AIG1: variants seen among roughly 807,000 people sequenced by gnomAD.
AIG1 encodes the protein androgen induced 1, also known as androgen-induced gene 1 protein.
In AIG1, 23 loss-of-function variants were observed where a neutral mutation model predicts 31.4. The ratio of observed to expected loss-of-function variants is 0.73; its 90% CI spans 0.53 to 1.04. AIG1 has a LOEUF of 1.04. AIG1 is among the 50% of genes least tolerant of loss of function. The probability of loss-of-function intolerance (pLI) is 0.00; values close to 1 mark genes in which losing one functional copy is unlikely to be tolerated. For synonymous variants in AIG1, 100 were observed against 110.5 expected, an observed-to-expected ratio of 0.90 and a Z score of 0.60; for missense variants, 274 against 295.0, an observed-to-expected ratio of 0.93 and a Z score of 0.52.
At chr6:143,311,349 A>G (rs1775258982) in intron 4 of AIG1, among the ~76,000 whole-genome samples, 1 of 151,980 alleles carries the variant, frequency 6.6e-6, no homozygotes, top group Non-Finnish European at 1.5e-5. Context: ...TCATGCATCA[A>G]GTATATGCAC....
At chr6:143,116,418 T>C (rs1781742401) in intron 1 of AIG1, among the ~76,000 whole-genome samples, 1 of 152,050 alleles carries the variant, frequency 6.6e-6, no homozygotes, top group Non-Finnish European at 1.5e-5. Context: ...ATTTGGCAAG[T>C]ATTTATTGAG....
At chr6:143,167,769 T>C (rs1470285396) in intron 3 of AIG1, among the ~76,000 whole-genome samples, 1 of 152,184 alleles carries the variant, frequency 6.6e-6, no homozygotes, top group Non-Finnish European at 1.5e-5. Flanking sequence ...ATAAATTAGT[T>C]AATATGTCAA....
intron 5 of AIG1, among the ~76,000 whole-genome samples, chr6:143,337,809 C>T (rs1310852851): frequency 1.3e-5 from 2 of 152,182 alleles, no homozygotes; most frequent in African/African-American, 4.8e-5. Flanking sequence ...GCAGGAAGGG[C>T]ATGTGACTGA....
chr6:143,212,868 C>T (rs771562691), intron 3 of AIG1, among the ~76,000 whole-genome samples: 6 of 152,184 alleles, frequency 3.9e-5, no homozygotes, highest in Non-Finnish European at 8.8e-5. Context: ...CCCAGCATAA[C>T]ATCTCGTCTT....
intron 1 of AIG1, among the ~76,000 whole-genome samples, chr6:143,116,993 C>T (rs974928494): frequency 1.3e-5 from 2 of 152,060 alleles, no homozygotes; most frequent in Non-Finnish European, 2.9e-5. Context: ...ATCTCTGTTT[C>T]GCCATTCCCG....
rs369258331 is a variant in AIG1, at chr6:143,331,157, A to G, written c.516-2125A>G. Among the ~76,000 whole-genome samples, 33 of 151,236 alleles carry G rather than the reference A, an allele frequency of 2.2e-4. No individual in the cohort carries two copies. The South Asian group carries it at 6.7e-3, about 31-fold the overall frequency. On this transcript the variant is annotated intron_variant, in intron 4 of 5. Coordinates refer to ENST00000357847, the MANE Select transcript of AIG1 (RefSeq NM_016108.4). The surrounding 1 kb of genome is among the most constrained non-coding windows in gnomAD (Gnocchi z 4.1). Reference sequence around the variant, plus strand: ...TTTGTAGACCTGTTTTTTTTTTCCTAATTTCCACCACAGGAACATTTTTTA... The same window carrying G: ...TTTGTAGACCTGTTTTTTTTTTCCTGATTTCCACCACAGGAACATTTTTTA...
At chr6:143,276,041 A>C (rs541919505) in intron 3 of AIG1, among the ~76,000 whole-genome samples, 1 of 152,190 alleles carries the variant, frequency 6.6e-6, no homozygotes, top group African/African-American at 2.4e-5. Context: ...TGGTAATGCC[A>C]TGGCCCCTTA....
intron 1 of AIG1, among the ~76,000 whole-genome samples, chr6:143,072,652 T>C (rs1460216438): frequency 3.9e-5 from 6 of 152,168 alleles, no homozygotes; most frequent in Non-Finnish European, 4.4e-5. Context: ...TGCCGAGAGA[T>C]TTAAAAAAAC....
At chr6:143,238,816 G>T (rs1188960315) in intron 3 of AIG1, among the ~76,000 whole-genome samples, 1 of 152,136 alleles carries the variant, frequency 6.6e-6, no homozygotes, top group African/African-American at 2.4e-5. Flanking sequence ...TCCCTAAAAG[G>T]GAAAAGTAGG....
At chr6:143,202,959 C>T (rs1790820096) in intron 3 of AIG1, among the ~76,000 whole-genome samples, 1 of 152,150 alleles carries the variant, frequency 6.6e-6, no homozygotes, top group South Asian at 2.1e-4. Context: ...GATGTGCATT[C>T]TCTGTGCTGG....
chr6:143,177,799 C>A (rs1788312037), intron 3 of AIG1, among the ~76,000 whole-genome samples: 1 of 152,186 alleles, frequency 6.6e-6, no homozygotes, highest in Non-Finnish European at 1.5e-5. Context: ...ATGGCAGCAG[C>A]CCTGGACAGC....
chr6:143,247,152 A>G (rs1351565778), intron 3 of AIG1, among the ~76,000 whole-genome samples: 2 of 149,416 alleles, frequency 1.3e-5, no homozygotes, highest in Non-Finnish European at 3.0e-5. Context: ...TTTTTTTTTT[A>G]GACAGCATCT....
chr6:143,189,517 C>T (rs78272144), intron 3 of AIG1: 1 of 985,250 alleles, frequency 1.0e-6, no homozygotes, highest in Non-Finnish European at 1.2e-6. Context: ...GTGTCATATG[C>T]TAAGTTATTT....
At chr6:143,271,115 G>A (rs562295587) in intron 3 of AIG1, among the ~76,000 whole-genome samples, 2 of 152,324 alleles carry the variant, frequency 1.3e-5, no homozygotes, top group South Asian at 2.1e-4. Flanking sequence ...GCATGAGGCC[G>A]TCAAATGTGA....
At chr6:143,270,684 C>G (rs6941056) in intron 3 of AIG1, among the ~76,000 whole-genome samples, 90,254 of 152,180 alleles carry the variant, frequency 0.59, 29,802 homozygotes, top group East Asian at 0.88. Context: ...CTTTATATGT[C>G]TTTAAATAAG....
chr6:143,072,515 T>A (rs1777381643), intron 1 of AIG1, among the ~76,000 whole-genome samples: 1 of 152,180 alleles, frequency 6.6e-6, no homozygotes, highest in African/African-American at 2.4e-5. Flanking sequence ...TTCTTGTTTC[T>A]TGTTCCTATC....
chr6:143,106,013 C>G (rs1001946165), intron 1 of AIG1, among the ~76,000 whole-genome samples: 3 of 152,198 alleles, frequency 2.0e-5, no homozygotes, highest in Admixed American at 1.3e-4. Flanking sequence ...AATTGTGTCC[C>G]TCTAAAATTC....
intron 3 of AIG1, among the ~76,000 whole-genome samples, chr6:143,195,364 T>A (rs1370269805): frequency 6.6e-6 from 1 of 152,104 alleles, no homozygotes; most frequent in Non-Finnish European, 1.5e-5. Flanking sequence ...CTCTAGGAAA[T>A]AAGAAGCAAG....
At chr6:143,259,692 C>A (rs987217621) in intron 3 of AIG1, among the ~76,000 whole-genome samples, 4 of 152,140 alleles carry the variant, frequency 2.6e-5, no homozygotes, top group Non-Finnish European at 4.4e-5. Context: ...AACGTACCCC[C>A]AAACTTAGTT....
Sources: allele counts gnomAD v4.1 joint callset (sites outside exome capture counted in the v4.1 genomes callset), GRCh38; gene constraint gnomAD v4.1.1; non-coding constraint Gnocchi (gnomAD v3.1); transcripts MANE v1.5; gene names NCBI Gene and HGNC (gene_info 2026-07-23, HGNC 2026-07-21).